SEPTIN10: variants seen among roughly 807,000 people sequenced by gnomAD.
The protein encoded by SEPTIN10 is septin 10.
SEPTIN10 carries 66 observed loss-of-function variants against 54.8 expected under a neutral mutation model. That is an observed-to-expected ratio of 1.21 (90% CI 0.99 to 1.48). SEPTIN10 has a LOEUF of 1.48. Among genes scored for constraint, SEPTIN10 ranks in the 40% most tolerant of loss-of-function variants. The probability of loss-of-function intolerance (pLI) is 0.00; values close to 1 mark genes in which losing one functional copy is unlikely to be tolerated. For synonymous variants in SEPTIN10, 161 were observed against 181.0 expected, an observed-to-expected ratio of 0.89 and a Z score of 0.89; for missense variants, 620 against 545.6, an observed-to-expected ratio of 1.14 and a Z score of -1.36.
intron 9 of SEPTIN10, among the ~76,000 whole-genome samples, chr2:109,549,397 A>G (rs1682236863): frequency 6.6e-6 from 1 of 152,180 alleles, no homozygotes; most frequent in Admixed American, 6.5e-5. Context: ...GGAAAACTAC[A>G]AAGAGGGAAA....
At chr2:109,593,019 C>A in intron 2 of SEPTIN10, 32 bp downstream of exon 2, 6 of 1,430,318 alleles carry the variant, frequency 4.2e-6, no homozygotes, top group Non-Finnish European at 5.7e-6. Flanking sequence ...ATTTAGAGTA[C>A]AATATGGTAT....
At chr2:109,545,566 A>G in intron 10 of SEPTIN10, 1 of 1,535,620 alleles carries the variant, frequency 6.5e-7, no homozygotes. Flanking sequence ...AAATTCTCAC[A>G]AAATCAGTAT....
rs79332055 is a variant in SEPTIN10 at position 109,544,259 on chromosome 2, T to A, written c.*50A>T. ...TCAAAGCACACTTCTAGTTTTTTTT[T>A]AATAAAGTTTGCTTGTGATGATGAC... is the stretch of plus-strand genomic sequence containing the variant. On this transcript the variant is annotated 3_prime_UTR_variant, in exon 11 of 11. Transcript: ENST00000397712. The A allele has an allele frequency of 7.7e-5, 125 of 1,612,928 alleles. No individual in the cohort carries two copies. Among genetic ancestry groups the A allele is most frequent in the Admixed American group, 2.3e-4 (14 of 59,934 alleles).
At chr2:109,586,589 C>T (rs2068789) in intron 2 of SEPTIN10, among the ~76,000 whole-genome samples, 1 of 152,190 alleles carries the variant, frequency 6.6e-6, no homozygotes, top group African/African-American at 2.4e-5. Context: ...CCACTCAAAT[C>T]CATGGCTGAT....
chr2:109,555,140 A>C (rs1048623687), intron 8 of SEPTIN10, among the ~76,000 whole-genome samples: 11 of 152,164 alleles, frequency 7.2e-5, no homozygotes, highest in African/African-American at 2.7e-4. Flanking sequence ...ATTTTCCACC[A>C]AAAACACAGA....
intron 8 of SEPTIN10, among the ~76,000 whole-genome samples, chr2:109,561,482 C>T (rs187954985): frequency 1.8e-4 from 27 of 152,260 alleles, no homozygotes; most frequent in Admixed American, 1.8e-3. Context: ...ATAGTAATCT[C>T]TAGCATTTAG....
intron 8 of SEPTIN10, among the ~76,000 whole-genome samples, chr2:109,556,233 T>G (rs1684342187): frequency 6.6e-6 from 1 of 152,218 alleles, no homozygotes; most frequent in South Asian, 2.1e-4. Context: ...TCAGAAACAC[T>G]GAGCCCTTCC....
chr2:109,608,776 A>C (rs183313842), intron 1 of SEPTIN10, among the ~76,000 whole-genome samples: 1 of 152,248 alleles, frequency 6.6e-6, no homozygotes, highest in Non-Finnish European at 1.5e-5. Context: ...AATCCTAAAA[A>C]AAAATTAAAT....
intron 4 of SEPTIN10, among the ~76,000 whole-genome samples, chr2:109,584,474 CAAAAAAAA>C (rs71958517): frequency 4.2e-5 from 3 of 72,044 alleles, no homozygotes; most frequent in African/African-American, 1.7e-4. Context: ...GACTCTGTCT[CAAAAAAAA>C]AAAAAAAAAA....
chr2:109,555,314 C>T (rs1310876002), intron 8 of SEPTIN10, among the ~76,000 whole-genome samples: 1 of 152,134 alleles, frequency 6.6e-6, no homozygotes, highest in African/African-American at 2.4e-5. Context: ...AGGTTTCAGC[C>T]ACACCAACCT....
At chr2:109,567,122 T>G (rs1687214458) in intron 6 of SEPTIN10, among the ~76,000 whole-genome samples, 1 of 152,180 alleles carries the variant, frequency 6.6e-6, no homozygotes, top group Non-Finnish European at 1.5e-5. Flanking sequence ...AAGTCACTGT[T>G]AGGCGCTTAA....
intron 1 of SEPTIN10, among the ~76,000 whole-genome samples, chr2:109,611,918 T>G (rs1699343003): frequency 6.6e-6 from 1 of 152,220 alleles, no homozygotes; most frequent in African/African-American, 2.4e-5. Flanking sequence ...TGAGAAAGTC[T>G]GGCAGTTTCT....
At chr2:109,607,609 T>C (rs956365708) in intron 1 of SEPTIN10, among the ~76,000 whole-genome samples, 4 of 152,220 alleles carry the variant, frequency 2.6e-5, no homozygotes, top group Non-Finnish European at 4.4e-5. Flanking sequence ...GCTAATTTAA[T>C]AAAAATTAAA....
chr2:109,575,424 A>AT (rs1689470027), intron 4 of SEPTIN10, among the ~76,000 whole-genome samples: 1 of 152,228 alleles, frequency 6.6e-6, no homozygotes, highest in South Asian at 2.1e-4. Flanking sequence ...GCACGTTTTT[A>AT]TTTTTATTTA....
In SEPTIN10 at chr2:109,585,763, T is replaced by G; in HGVS notation, c.175A>C (p.Arg59=). Reference sequence around the variant, plus strand: ...AAGCAGAAACCTTGCTGAATGGATCTGTTCACCAGCTGATCAGGCAAACTC... The same window carrying G: ...AAGCAGAAACCTTGCTGAATGGATCGGTTCACCAGCTGATCAGGCAAACTC... ...FESLPDQLVN[R]SIQQGFCFNI... is the part of the protein sequence containing the mutation. Residue 59 remains arginine, a synonymous_variant, in exon 3 of 11, where the codon AGA becomes CGA. Coordinates refer to ENST00000397712, the MANE Select transcript of SEPTIN10 (RefSeq NM_144710.5). 6.2e-7 allele frequency: 1 copy of G among 1,613,924 alleles called. No individual in the cohort carries two copies. The highest frequency in any genetic ancestry group is 1.7e-4 in the Middle Eastern group (1 of 5,944).
chr2:109,579,239 C>A (rs968553032), intron 4 of SEPTIN10, among the ~76,000 whole-genome samples: 4 of 152,122 alleles, frequency 2.6e-5, no homozygotes, highest in African/African-American at 9.7e-5. Flanking sequence ...CAAAGTAAAA[C>A]CAACTCTGAA....
intron 2 of SEPTIN10, among the ~76,000 whole-genome samples, chr2:109,589,218 C>T (rs951696360): frequency 6.6e-6 from 1 of 152,104 alleles, no homozygotes; most frequent in East Asian, 1.9e-4. Context: ...CCTTGGCACA[C>T]CGCAACCTCC....
chr2:109,571,057 G>GATCTGGTTGTTTA (rs1688254210), intron 5 of SEPTIN10, among the ~76,000 whole-genome samples: 1 of 152,076 alleles, frequency 6.6e-6, no homozygotes, highest in Admixed American at 6.6e-5. Context: ...GTTCTCACGA[G>GATCTGGTTGTTTA]ATCTGGTTGT....
chr2:109,560,521 C>T (rs1685416346), intron 8 of SEPTIN10, among the ~76,000 whole-genome samples: 1 of 152,196 alleles, frequency 6.6e-6, no homozygotes, highest in South Asian at 2.1e-4. Flanking sequence ...AGTCTTATCC[C>T]TGGTCACACA....
Sources: gnomAD v4.1 joint callset for allele counts (sites outside exome capture counted in the v4.1 genomes callset) on GRCh38, gnomAD v4.1.1 for gene constraint, MANE v1.5 for transcripts, NCBI Gene and HGNC (gene_info 2026-07-23, HGNC 2026-07-21) for gene names.